CLHC1: variants seen among roughly 807,000 people sequenced by gnomAD.
CLHC1 encodes the protein clathrin heavy chain linker domain containing 1.
CLHC1 carries 72 observed loss-of-function variants against 69.5 expected under a neutral mutation model. The observed-to-expected ratio is 1.04, with a 90% CI of 0.86 to 1.26. CLHC1 has a LOEUF of 1.26. Ranked by LOEUF, CLHC1 falls within the 50% of genes most tolerant of loss-of-function variation. The pLI, the probability that CLHC1 is intolerant of heterozygous loss-of-function variation, is 0.00. For missense variants in CLHC1, 790 were observed against 679.3 expected (o/e 1.16, Z -1.81); for synonymous variants, 223 against 224.3 (o/e 0.99, Z 0.05).
At chr2:55,202,784 A>T (rs905568416) in intron 9 of CLHC1, among the ~76,000 whole-genome samples, 3 of 151,354 alleles carry the variant, frequency 2.0e-5, no homozygotes, top group Non-Finnish European at 2.9e-5. Flanking sequence ...CTGTTGGCCC[A>T]GCGACTCGGG....
At chr2:55,220,275 G>A (rs1235448820) in intron 3 of CLHC1, among the ~76,000 whole-genome samples, 3 of 152,096 alleles carry the variant, frequency 2.0e-5, no homozygotes, top group Non-Finnish European at 4.4e-5. Context: ...TTTATCTTCT[G>A]CCCAACTAGT....
chr2:55,192,097 G>C (rs1670987352), intron 9 of CLHC1, among the ~76,000 whole-genome samples: 2 of 151,910 alleles, frequency 1.3e-5, no homozygotes, highest in African/African-American at 4.8e-5. Flanking sequence ...AAAAGGCAAA[G>C]ACTGTCAGAT....
chr2:55,209,754 T>G lies in CLHC1; in HGVS notation c.577A>C (p.Ile193Leu), dbSNP rs1230532386. ...TATTTTATCAACATAGCTTGTTTAA[T>G]TTCTGCATATTTATCTTCAAGATGT... Reference protein sequence around the residue: ...MKHLEDKYAEIKQAMLIKYVP... With the variant: ...MKHLEDKYAELKQAMLIKYVP... The change falls in exon 6 of 13, where the codon ATT (isoleucine) becomes CTT (leucine). Residue 193 changes from isoleucine to leucine, a missense_variant. Physicochemically the swap from Ile to Leu is conservative, Grantham distance 5. Coordinates refer to ENST00000401408, the MANE Select transcript of CLHC1 (RefSeq NM_152385.4). The G allele has an allele frequency of 2.5e-6, 4 of 1,612,152 alleles. No individual in the cohort carries two copies. The Admixed American group carries it at 6.7e-5, about 27-fold the overall frequency.
chr2:55,214,195 C>T (rs1673272778), intron 4 of CLHC1, among the ~76,000 whole-genome samples: 1 of 152,150 alleles, frequency 6.6e-6, no homozygotes, highest in Non-Finnish European at 1.5e-5. Flanking sequence ...ACATAAATGT[C>T]ACAGGGTTTT....
At chr2:55,203,557 G>C (rs540248272) in intron 9 of CLHC1, among the ~76,000 whole-genome samples, 1 of 152,182 alleles carries the variant, frequency 6.6e-6, no homozygotes, top group South Asian at 2.1e-4. Context: ...ACATATACTG[G>C]GGAAAAGACA....
At chr2:55,224,812 A>G in intron 2 of CLHC1, 1 of 305,394 alleles carries the variant, frequency 3.3e-6, no homozygotes. Context: ...TCCGTCAAAG[A>G]GGCCCCCCAG....
At chr2:55,200,436 G>C (rs1671843320) in intron 9 of CLHC1, among the ~76,000 whole-genome samples, 1 of 151,988 alleles carries the variant, frequency 6.6e-6, no homozygotes. Flanking sequence ...GACAAAGAAA[G>C]TCATTATATA....
intron 4 of CLHC1, chr2:55,215,009 A>T (rs999795330): frequency 6.6e-6 from 1 of 152,190 alleles, no homozygotes; most frequent in African/African-American, 2.4e-5. Context: ...CTTCGTATTT[A>T]TGATGCTTGG....
intron 11 of CLHC1, among the ~76,000 whole-genome samples, chr2:55,178,343 T>C (rs1669602159): frequency 6.6e-6 from 1 of 152,364 alleles, no homozygotes; most frequent in South Asian, 2.1e-4. Context: ...CCAGTAGCTA[T>C]TTCAAGTAGC....
intron 9 of CLHC1, among the ~76,000 whole-genome samples, chr2:55,205,144 G>A (rs1037514387): frequency 6.6e-6 from 1 of 152,086 alleles, no homozygotes; most frequent in Non-Finnish European, 1.5e-5. Context: ...GGAGAAAAGG[G>A]AACGCTTTTA....
intron 10 of CLHC1, 138 bp downstream of exon 10, chr2:55,181,432 A>G: frequency 1.4e-6 from 1 of 698,238 alleles, no homozygotes; most frequent in Non-Finnish European, 2.3e-6. Flanking sequence ...CCCGACCACT[A>G]AACACTTTCT....
chr2:55,208,417 T>C (rs1672644847), intron 8 of CLHC1, among the ~76,000 whole-genome samples: 1 of 152,202 alleles, frequency 6.6e-6, no homozygotes, highest in Non-Finnish European at 1.5e-5. Flanking sequence ...CTATCTCATG[T>C]CAGTGCTCAA....
At chr2:55,228,621 A>G (rs1257920795) in intron 1 of CLHC1, among the ~76,000 whole-genome samples, 1 of 152,252 alleles carries the variant, frequency 6.6e-6, no homozygotes, top group Non-Finnish European at 1.5e-5. Flanking sequence ...AGGCTACAGA[A>G]GGCCAGAGGG....
intron 9 of CLHC1, among the ~76,000 whole-genome samples, chr2:55,182,456 G>A (rs1300095954): frequency 6.6e-6 from 1 of 152,144 alleles, no homozygotes; most frequent in African/African-American, 2.4e-5. Flanking sequence ...GCTTGAACTT[G>A]CAGGGGAGGA....
intron 1 of CLHC1, among the ~76,000 whole-genome samples, chr2:55,229,638 C>A (rs932074567): frequency 1.3e-5 from 2 of 152,200 alleles, no homozygotes; most frequent in Non-Finnish European, 1.5e-5. Context: ...GCAAGAGGAG[C>A]AACACTGGAC....
intron 9 of CLHC1, among the ~76,000 whole-genome samples, chr2:55,203,598 G>A (rs1332541352): frequency 5.3e-5 from 8 of 152,094 alleles, no homozygotes; most frequent in African/African-American, 1.9e-4. Context: ...TGGGAAAACT[G>A]GATATCCATA....
chr2:55,196,372 T>A (rs1372903222), intron 9 of CLHC1, among the ~76,000 whole-genome samples: 1 of 151,920 alleles, frequency 6.6e-6, no homozygotes, highest in East Asian at 1.9e-4. Flanking sequence ...CGAAGGAGTG[T>A]TTGTGCCACC....
intron 8 of CLHC1, chr2:55,206,910 T>C (rs1331929654): frequency 6.7e-6 from 1 of 149,954 alleles, no homozygotes; most frequent in Non-Finnish European, 1.5e-5. Context: ...ATCGAGACCA[T>C]CCTGGCTAAG....
Position 55,222,315 on chromosome 2 carries a change from T to A in CLHC1, c.97A>T (p.Thr33Ser). The change falls in exon 3 of 13, where the codon ACA (threonine) becomes TCA (serine). Residue 33 changes from threonine (T) to serine (S), a missense_variant. By Grantham distance (58) the Thr-to-Ser change is moderately conservative. Coordinates refer to ENST00000401408, the MANE Select transcript of CLHC1 (RefSeq NM_152385.4). ...CTACAGCCCAGTCTTTCAGTTTCTGTAATTATGTATCTTTGCACACTTTCC... is the reference window on the plus strand; with the variant it reads ...CTACAGCCCAGTCTTTCAGTTTCTGAAATTATGTATCTTTGCACACTTTCC... ...FLESVQRYII[T>S]ETERLGCSEE... 1 of 1,613,648 alleles carries A rather than the reference T, an allele frequency of 6.2e-7. No individual in the cohort carries two copies.
Sources: allele counts gnomAD v4.1 joint callset (sites outside exome capture counted in the v4.1 genomes callset), GRCh38; gene constraint gnomAD v4.1.1; transcripts MANE v1.5; gene names NCBI Gene and HGNC (gene_info 2026-07-23, HGNC 2026-07-21).